PLEKHG1: variants seen among roughly 807,000 people sequenced by gnomAD.
PLEKHG1 encodes pleckstrin homology domain-containing family G member 1.
Under a neutral mutation model 100.8 loss-of-function variants are expected in PLEKHG1, and 44 were observed. The observed-to-expected ratio is 0.44, with a 90% confidence interval of 0.34 to 0.56. PLEKHG1 has a LOEUF of 0.56. PLEKHG1 is among the 20% of genes least tolerant of loss of function. PLEKHG1 has a pLI of 0.01. For missense variants in PLEKHG1, 1,545 were observed against 1,720.9 expected, an observed-to-expected ratio of 0.90 and a Z score of 1.81; for synonymous variants, 640 against 662.5, an observed-to-expected ratio of 0.97 and a Z score of 0.52.
chr6:150,600,665 G>A lies in PLEKHG1; in HGVS notation c.-204+648G>A, dbSNP rs567166369. On this transcript the variant is annotated intron_variant, in intron 1 of 3. Transcript: ENST00000367326. The surrounding 1 kb of genome is among the most constrained non-coding windows in gnomAD (Gnocchi z 6.2). ...ACGGGGTAAACGGTAACACCTGGGC[G>A]GCCGCGACTCTGCGAGCGTTCTGGC... Among the ~76,000 whole-genome samples the A allele has an allele frequency of 7.9e-4, 121 of 152,344 alleles. 1 individual carries two copies. The highest frequency in any genetic ancestry group is 2.8e-3 in the African/African-American group (117 of 41,580).
intron 3 of PLEKHG1, among the ~76,000 whole-genome samples, chr6:150,682,726 C>T (rs1779977785): frequency 6.6e-6 from 1 of 152,176 alleles, no homozygotes; most frequent in Non-Finnish European, 1.5e-5. Context: ...GGAGGCAAAG[C>T]AGGTGCTACC....
chr6:150,786,821 G>A (rs746481146), intron 4 of PLEKHG1, among the ~76,000 whole-genome samples: 1 of 152,008 alleles, frequency 6.6e-6, no homozygotes, highest in African/African-American at 2.4e-5. Flanking sequence ...TCTGAGGTCA[G>A]GAGTTTGAGA....
At chr6:150,628,314 G>C (rs1400145331) in intron 1 of PLEKHG1, among the ~76,000 whole-genome samples, 3 of 152,080 alleles carry the variant, frequency 2.0e-5, no homozygotes, top group African/African-American at 7.2e-5. Flanking sequence ...GTAAATTGCT[G>C]CTGCTGTTTA....
chr6:150,606,052 T>C (rs939335284), intron 1 of PLEKHG1, among the ~76,000 whole-genome samples: 1 of 152,254 alleles, frequency 6.6e-6, no homozygotes, highest in Admixed American at 6.5e-5. Flanking sequence ...AGAAAAATAA[T>C]AATATAGTAC....
chr6:150,669,789 G>C (rs1446255654), intron 3 of PLEKHG1, among the ~76,000 whole-genome samples: 1 of 151,898 alleles, frequency 6.6e-6, no homozygotes, highest in African/African-American at 2.4e-5. Context: ...GTAGAGACAG[G>C]GTTTCACTAT....
intron 6 of PLEKHG1, among the ~76,000 whole-genome samples, chr6:150,804,172 TATA>T (rs1474975606): frequency 1.3e-4 from 7 of 53,602 alleles, no homozygotes; most frequent in African/African-American, 4.0e-4. Flanking sequence ...TATATATATA[TATA>T]TTTTTTTTTT....
intron 3 of PLEKHG1, chr6:150,652,116 T>G (rs1778770242): frequency 6.6e-6 from 1 of 152,212 alleles, no homozygotes; most frequent in Non-Finnish European, 1.5e-5. Context: ...TTAACGTATT[T>G]TTCTTTAAGA....
chr6:150,717,595 T>G (rs1582995174), upstream of PLEKHG1, among the ~76,000 whole-genome samples: 1 of 152,184 alleles, frequency 6.6e-6, no homozygotes, highest in East Asian at 1.9e-4. Context: ...AGTTACGTCC[T>G]GTGGGTGCTG....
intron 2 of PLEKHG1, among the ~76,000 whole-genome samples, chr6:150,758,974 G>C (rs1268188751): frequency 6.6e-6 from 1 of 152,160 alleles, no homozygotes; most frequent in Non-Finnish European, 1.5e-5. Flanking sequence ...AAGTAGCATG[G>C]TGCTCAGAGA....
At chr6:150,651,056 C>T (rs1335752255) in intron 3 of PLEKHG1, 1 of 152,084 alleles carries the variant, frequency 6.6e-6, no homozygotes, top group African/African-American at 2.4e-5. Flanking sequence ...ACATTAGGCA[C>T]AGTAAAAGAT....
rs1776884946 is a variant in PLEKHG1 at position 150,830,911 on chromosome 6, C to T, written c.1800C>T (p.Ser600=). Residue 600 remains serine (S), a synonymous_variant, in exon 15 of 16, where the codon AGC becomes AGT. Transcript: ENST00000358517. ...AGATGGAGTCCACAGAGACCTCCAG[C>T]TCTGGTCACAGGATTGTCAGGCGGG... 1.9e-6 allele frequency: 3 copies of T among 1,614,152 alleles called. No homozygotes were observed. In the South Asian group the frequency reaches 3.3e-5, roughly 18 times the overall value.
chr6:150,819,540 T>C, intron 11 of PLEKHG1, 139 bp from the exon 13 acceptor site: 1 of 429,072 alleles, frequency 2.3e-6, no homozygotes, highest in Non-Finnish European at 4.1e-6. Context: ...CACTTCAGCG[T>C]GGGTGACAGA....
At chr6:150,810,483 A>G (rs150467678) in intron 10 of PLEKHG1, among the ~76,000 whole-genome samples, 15,380 of 111,998 alleles carry the variant, frequency 0.14, 1,020 homozygotes, top group Middle Eastern at 0.23. Context: ...AAAGAAAGAA[A>G]GAAGGAAGGA....
intron 3 of PLEKHG1, among the ~76,000 whole-genome samples, chr6:150,774,563 A>G (rs1438230697): frequency 9.8e-6 from 1 of 102,112 alleles, no homozygotes; most frequent in Admixed American, 1.3e-4. Flanking sequence ...TTTTTTTGAG[A>G]CACAGTCTCA....
At chr6:150,632,890 T>G (rs1777821289) in intron 1 of PLEKHG1, 1 of 152,198 alleles carries the variant, frequency 6.6e-6, no homozygotes, top group Admixed American at 6.5e-5. Flanking sequence ...AGACTAAAAT[T>G]TGCATATATG....
At chr6:150,735,459 T>C (rs1261487351) in intron 2 of PLEKHG1, among the ~76,000 whole-genome samples, 1 of 152,214 alleles carries the variant, frequency 6.6e-6, no homozygotes, top group African/African-American at 2.4e-5. Flanking sequence ...TACATTCTCA[T>C]AGCTTTAGAA....
intron 1 of PLEKHG1, among the ~76,000 whole-genome samples, chr6:150,631,845 G>C (rs538448598): frequency 5.3e-5 from 8 of 152,272 alleles, no homozygotes; most frequent in African/African-American, 1.9e-4. Flanking sequence ...AGCAAGTAAG[G>C]AGAAGCCCCA....
At chr6:150,777,902 A>G (rs1324843179) in intron 3 of PLEKHG1, among the ~76,000 whole-genome samples, 1 of 152,290 alleles carries the variant, frequency 6.6e-6, no homozygotes, top group Non-Finnish European at 1.5e-5. Flanking sequence ...CTGTAACTGT[A>G]GAATCATCCC....
intron 3 of PLEKHG1, among the ~76,000 whole-genome samples, chr6:150,682,560 C>G (rs1459363716): frequency 6.6e-6 from 1 of 152,014 alleles, no homozygotes; most frequent in African/African-American, 2.4e-5. Flanking sequence ...AGACTAAACT[C>G]TCACCTTTAT....
Sources: allele counts gnomAD v4.1 joint callset (sites outside exome capture counted in the v4.1 genomes callset), GRCh38; gene constraint gnomAD v4.1.1; non-coding constraint Gnocchi (gnomAD v3.1); transcripts MANE v1.5; gene names NCBI Gene and HGNC (gene_info 2026-07-23, HGNC 2026-07-21).